MAP2K5: variants seen among roughly 807,000 people sequenced by gnomAD.
MAP2K5 encodes dual specificity mitogen-activated protein kinase kinase 5.
MAP2K5 carries 49 observed loss-of-function variants against 83.1 expected under a neutral mutation model. The observed-to-expected ratio is 0.59, with a 90% CI of 0.47 to 0.75. The LOEUF (loss-of-function observed/expected upper bound fraction) is 0.75. Among genes scored for constraint, MAP2K5 ranks in the 30% least tolerant of loss-of-function variants. The probability of loss-of-function intolerance (pLI) is 0.00; values close to 1 mark genes in which losing one functional copy is unlikely to be tolerated. For missense variants in MAP2K5, 457 were observed against 557.5 expected, an observed-to-expected ratio of 0.82 and a Z score of 1.82; for synonymous variants, 202 against 191.8, an observed-to-expected ratio of 1.05 and a Z score of -0.44.
rs951820673 is a variant in MAP2K5 at position 67,573,873 on chromosome 15, T to A, written c.253-6881T>A. 2.0e-5 allele frequency among the ~76,000 whole-genome samples: 3 copies of A among 152,230 alleles called. No homozygotes were observed. Among genetic ancestry groups the A allele is most frequent in the Non-Finnish European group, 4.4e-5 (3 of 68,038 alleles). ...TAATCCTGTGTCACCAGCCTTGTAG[T>A]GCAGCGCATCTCCTCCATATGGTTT... On this transcript the variant is annotated intron_variant, in intron 3 of 21. Transcript: ENST00000178640. This position sits in a 1 kb window ranked among gnomAD's most constrained non-coding sequence, Gnocchi z 4.2.
At chr15:67,664,713 T>G (rs2087330356) in intron 13 of MAP2K5, 68 bp downstream of exon 13, 1 of 1,003,162 alleles carries the variant, frequency 1.0e-6, no homozygotes, top group African/African-American at 1.6e-5. Flanking sequence ...ATACCTTGAT[T>G]TTTAAAGTAA....
chr15:67,564,501 G>T (rs1361626226), intron 3 of MAP2K5, among the ~76,000 whole-genome samples: 7 of 152,122 alleles, frequency 4.6e-5, no homozygotes, highest in Non-Finnish European at 1.0e-4. Context: ...ATGGGTTTCT[G>T]CCAATAGTTT....
Position 67,543,413 on chromosome 15 carries a change from T to G in MAP2K5, c.78T>G (p.Ser26Arg). 6.2e-7 allele frequency: 1 copy of G among 1,614,092 alleles called. No homozygotes were observed. The change falls in exon 1 of 22, where the codon AGT becomes AGG. Residue 26 changes from serine (S) to arginine (R), a missense_variant. Coordinates refer to ENST00000178640, the MANE Select transcript of MAP2K5 (RefSeq NM_145160.3). This position sits in a 1 kb window ranked among gnomAD's most constrained non-coding sequence, Gnocchi z 4.3. ...TAATTCGCATCAAGATCCCAAATAG[T>G]GGCGCGGTGGACTGGACAGTGCACT... is the stretch of plus-strand genomic sequence containing the variant. ...VLVIRIKIPN[S>R]GAVDWTVHSG...
At chr15:67,649,829 T>A (rs1336342093) in intron 11 of MAP2K5, among the ~76,000 whole-genome samples, 1 of 152,208 alleles carries the variant, frequency 6.6e-6, no homozygotes, top group Admixed American at 6.5e-5. Context: ...CCATTTTGAA[T>A]ACCTAGCATT....
intron 3 of MAP2K5, among the ~76,000 whole-genome samples, chr15:67,575,896 T>TTTC (rs1746890045): frequency 1.3e-4 from 9 of 68,408 alleles, no homozygotes; most frequent in Non-Finnish European, 1.1e-4. Flanking sequence ...TCTCTTCTTT[T>TTTC]TTTCTTTCTT....
At chr15:67,651,222 TAAATC>T (rs2086945495) in intron 11 of MAP2K5, among the ~76,000 whole-genome samples, 1 of 152,158 alleles carries the variant, frequency 6.6e-6, no homozygotes, top group Non-Finnish European at 1.5e-5. Flanking sequence ...TCAAAATAAA[TAAATC>T]AATCAAAATT....
chr15:67,613,155 T>G (rs2085970246), intron 8 of MAP2K5, among the ~76,000 whole-genome samples: 1 of 152,186 alleles, frequency 6.6e-6, no homozygotes, highest in Admixed American at 6.5e-5. Context: ...GGCAGTTTAA[T>G]TAGAAGCTGG....
In MAP2K5 at chr15:67,543,077, A is replaced by C; in HGVS notation, c.-259A>C. ...ACTCCAGAACCTTCCGACCTCCGCT[A>C]GTTCCTGCGGGCCTTTGCCCGCTTC... On this transcript the variant is annotated 5_prime_UTR_variant, in exon 1 of 22. Coordinates refer to ENST00000178640, the MANE Select transcript of MAP2K5 (RefSeq NM_145160.3). The surrounding 1 kb of genome is among the most constrained non-coding windows in gnomAD (Gnocchi z 4.3). The C allele has an allele frequency of 1.9e-6, 1 of 522,844 alleles. No homozygotes were observed. Among genetic ancestry groups the C allele is most frequent in the Non-Finnish European group, 3.5e-6 (1 of 289,030 alleles). The allele number at this position is 522,844 out of a possible 1,614,324, so 32.4% of individuals were successfully genotyped here.
Position 67,658,260 on chromosome 15 carries a change from A to G in MAP2K5, c.737-293A>G, listed in dbSNP as rs894479341. ...CATATTGATCTTTATAATTTTGTGT[A>G]TGTATTTAAGTTTACATAAAGTATA... is the stretch of plus-strand genomic sequence containing the variant. On this transcript the variant is annotated intron_variant, in intron 11 of 21. Transcript: ENST00000178640. Among the ~76,000 whole-genome samples, 4 of 152,110 alleles carry G rather than the reference A, an allele frequency of 2.6e-5. No individual in the cohort carries two copies. In the South Asian group the frequency reaches 6.2e-4, roughly 24 times the overall value.
In MAP2K5 at chr15:67,727,636, C is replaced by G. The variant is rs146484861; in HGVS notation, c.1045-280C>G. Reference sequence around the variant, plus strand: ...CACACACACGTAAATGTGAATAATGCCCATATAGCTGAGAATATTACTAAG... The same window carrying G: ...CACACACACGTAAATGTGAATAATGGCCATATAGCTGAGAATATTACTAAG... On this transcript the variant is annotated intron_variant, in intron 16 of 21. Coordinates refer to ENST00000178640, the MANE Select transcript of MAP2K5 (RefSeq NM_145160.3). 4.3e-3 allele frequency among the ~76,000 whole-genome samples: 656 copies of G among 152,176 alleles called. 3 individuals carry two copies. Among genetic ancestry groups the G allele is most frequent in the African/African-American group, 0.015 (632 of 41,494 alleles).
At chr15:67,667,565 T>G (rs569365235) in intron 13 of MAP2K5, among the ~76,000 whole-genome samples, 1 of 152,078 alleles carries the variant, frequency 6.6e-6, no homozygotes, top group African/African-American at 2.4e-5. Flanking sequence ...TAATGAGTGA[T>G]CTATACCTCT....
intron 15 of MAP2K5, among the ~76,000 whole-genome samples, chr15:67,700,713 A>C (rs937171831): frequency 5.3e-5 from 8 of 152,054 alleles, no homozygotes; most frequent in East Asian, 1.9e-4. Flanking sequence ...ATCCCTATCC[A>C]CCTTAAGAGT....
chr15:67,645,653 A>T (rs1269120825), intron 9 of MAP2K5, among the ~76,000 whole-genome samples: 1 of 152,030 alleles, frequency 6.6e-6, no homozygotes, highest in African/African-American at 2.4e-5. Flanking sequence ...TCCTGAGCTC[A>T]AGTGATCCTC....
At position 67,592,118 on chromosome 15, in the gene MAP2K5, C is replaced by CAAAAAAAAAAAAAAAA. The variant is rs71142384; in HGVS notation, c.432-806_432-791dup. Among the ~76,000 whole-genome samples the CAAAAAAAAAAAAAAAA allele has an allele frequency of 1.7e-5, 2 of 117,994 alleles. 1 individual carries two copies. Among genetic ancestry groups the CAAAAAAAAAAAAAAAA allele is most frequent in the African/African-American group, 6.4e-5 (2 of 31,136 alleles). 77.4% of individuals were successfully genotyped at this position (117,994 alleles called of 152,430 possible). A position where few individuals can be genotyped will look rare whatever the true frequency, so the allele number is the denominator to read the frequency against. On this transcript the variant is annotated intron_variant, in intron 6 of 21. Transcript: ENST00000178640. ...GGGCAACAAGAGTGAAACTATGTCT[C>CAAAAAAAAAAAAAAAA]AAAAAAAAAAAAAAAAAGGACTTTC...
At chr15:67,766,337 A>C (rs1217263227) in intron 19 of MAP2K5, among the ~76,000 whole-genome samples, 1 of 152,240 alleles carries the variant, frequency 6.6e-6, no homozygotes, top group African/African-American at 2.4e-5. Flanking sequence ...AAAAGCCCTT[A>C]AGGTGAGGTA....
chr15:67,626,393 GGT>G (rs2086323541), intron 8 of MAP2K5, among the ~76,000 whole-genome samples: 1 of 152,066 alleles, frequency 6.6e-6, no homozygotes, highest in East Asian at 1.9e-4. Context: ...CAGGTGTGGT[GGT>G]GGGCTCCTGT....
At chr15:67,692,332 G>A in intron 13 of MAP2K5, 147 bp from the exon 14 acceptor site, 1 of 552,342 alleles carries the variant, frequency 1.8e-6, no homozygotes, top group South Asian at 2.5e-5. Context: ...AAAAAAAAAT[G>A]CTTTTCATTA....
chr15:67,787,221 A>T (rs946442885), intron 21 of MAP2K5, among the ~76,000 whole-genome samples: 4 of 152,256 alleles, frequency 2.6e-5, no homozygotes, highest in Admixed American at 6.5e-5. Flanking sequence ...GGAATGTCCT[A>T]ACCCTTTGGC....
Position 67,690,575 on chromosome 15 carries a change from C to A in MAP2K5, c.848-1904C>A, listed in dbSNP as rs1346308570. On this transcript the variant is annotated intron_variant, in intron 13 of 21. Transcript: ENST00000178640. The surrounding 1 kb of genome is among the most constrained non-coding windows in gnomAD (Gnocchi z 4.3). ...TTTGAGACAAGTCTCGCTCTGATACCCAGGCTACAGTGCAGTGGCACCATC... is the reference window on the plus strand; with the variant it reads ...TTTGAGACAAGTCTCGCTCTGATACACAGGCTACAGTGCAGTGGCACCATC... Among the ~76,000 whole-genome samples, 1 of 151,430 alleles carries A rather than the reference C, an allele frequency of 6.6e-6. No homozygotes were observed.
Sources: gnomAD v4.1 joint callset for allele counts (sites outside exome capture counted in the v4.1 genomes callset) on GRCh38, gnomAD v4.1.1 for gene constraint, Gnocchi (gnomAD v3.1) non-coding constraint, MANE v1.5 for transcripts, NCBI Gene and HGNC (gene_info 2026-07-23, HGNC 2026-07-21) for gene names.